Variants in MARK3 observed in about 807,000 individuals in gnomAD.
MARK3 encodes MAP/microtubule affinity-regulating kinase 3.
A neutral mutation model predicts 90.1 loss-of-function variants in MARK3; 46 were observed. The observed-to-expected ratio is 0.51, with a 90% CI of 0.40 to 0.65. MARK3 has a LOEUF of 0.65. MARK3 is among the 30% of genes least tolerant of loss of function. The pLI is 0.00. For missense variants in MARK3, 818 were observed against 947.2 expected, an observed-to-expected ratio of 0.86 and a Z score of 1.79; for synonymous variants, 321 against 332.6, an observed-to-expected ratio of 0.97 and a Z score of 0.38.
chr14:103,469,361 T>A (rs1392354099), intron 12 of MARK3: 1 of 152,028 alleles, frequency 6.6e-6, no homozygotes. Flanking sequence ...TTTGTATTTT[T>A]AATAGAGACA....
At chr14:103,480,098 C>T (rs991851183) in intron 13 of MARK3, among the ~76,000 whole-genome samples, 4 of 151,808 alleles carry the variant, frequency 2.6e-5, no homozygotes, top group East Asian at 3.9e-4. Context: ...TCCAGCATGG[C>T]GACAGAGCAA....
chr14:103,414,448 G>A (rs942678796), intron 2 of MARK3, among the ~76,000 whole-genome samples: 3 of 151,944 alleles, frequency 2.0e-5, no homozygotes, highest in South Asian at 2.1e-4. Context: ...CAGATGATCC[G>A]CCCGCCTTGG....
intron 1 of MARK3, among the ~76,000 whole-genome samples, chr14:103,397,010 G>A (rs545308587): frequency 6.6e-6 from 1 of 152,090 alleles, no homozygotes; most frequent in South Asian, 2.1e-4. Context: ...AAATATTGGG[G>A]GGTATATTGA....
chr14:103,431,714 G>C (rs2092587802), intron 3 of MARK3, among the ~76,000 whole-genome samples: 1 of 152,174 alleles, frequency 6.6e-6, no homozygotes, highest in Non-Finnish European at 1.5e-5. Context: ...GTAGCATCTT[G>C]TTCCAGTGTT....
At chr14:103,403,986 C>G (rs1398393068) in intron 1 of MARK3, among the ~76,000 whole-genome samples, 1 of 152,112 alleles carries the variant, frequency 6.6e-6, no homozygotes, top group Non-Finnish European at 1.5e-5. Flanking sequence ...AGAGCCTATC[C>G]CCTAACCTGG....
intron 8 of MARK3, 85 bp from the exon 9 acceptor site, chr14:103,465,887 G>T: frequency 6.5e-7 from 1 of 1,549,824 alleles, no homozygotes; most frequent in South Asian, 1.2e-5. Context: ...CAGTGCGGGG[G>T]GTTTCAGGGG....
Position 103,503,712 on chromosome 14 carries a change from TTTG to T in MARK3, c.*491_*493del, listed in dbSNP as rs770163614. 6.5e-6 allele frequency: 1 copy of T among 154,268 alleles called. No homozygotes were observed. The highest frequency in any genetic ancestry group is 2.1e-4 in the South Asian group (1 of 4,868). The allele number at this position is 154,268 out of a possible 1,614,324, so 9.6% of individuals were successfully genotyped here. A position where few individuals can be genotyped will look rare whatever the true frequency, so the allele number is the denominator to read the frequency against. ...TACAGTTCATGCCTGTGGTTTTGTG[TTTG>T]TTGTTTTGTGTTTTTTTAGTGCAAA... On this transcript the variant is annotated 3_prime_UTR_variant, in exon 18 of 18. Coordinates refer to ENST00000429436, the MANE Select transcript of MARK3 (RefSeq NM_001128918.3).
chr14:103,394,115 AGGGAATATTCC>A (rs2090437179), intron 1 of MARK3, among the ~76,000 whole-genome samples: 1 of 152,184 alleles, frequency 6.6e-6, no homozygotes, highest in Non-Finnish European at 1.5e-5. Flanking sequence ...AGTAAGAGTC[AGGGAATATTCC>A]GTGACTTGTG....
chr14:103,412,295 A>G, intron 2 of MARK3: 1 of 648,378 alleles, frequency 1.5e-6, no homozygotes, highest in Non-Finnish European at 2.7e-6. Context: ...TAACATGTTC[A>G]TATGAAACTT....
chr14:103,482,260 C>T (rs944092023), intron 14 of MARK3, among the ~76,000 whole-genome samples: 1 of 151,872 alleles, frequency 6.6e-6, no homozygotes, highest in East Asian at 2.0e-4. Flanking sequence ...GTGGCTCACA[C>T]CTGTAATCCC....
intron 6 of MARK3, among the ~76,000 whole-genome samples, chr14:103,460,071 A>ATTTTTTTTT (rs1566882596): frequency 6.6e-5 from 3 of 45,580 alleles, no homozygotes; most frequent in Admixed American, 3.3e-4. Context: ...TTCCAGCTCC[A>ATTTTTTTTT]TCTTTTTTTT....
chr14:103,398,404 T>C (rs2090724871), intron 1 of MARK3, among the ~76,000 whole-genome samples: 1 of 152,224 alleles, frequency 6.6e-6, no homozygotes, highest in African/African-American at 2.4e-5. Flanking sequence ...TTAACTTGTA[T>C]TTCTCTCTGA....
At chr14:103,389,528 C>CAAAAAAAAAAAA (rs67737305) in intron 1 of MARK3, among the ~76,000 whole-genome samples, 702 of 49,778 alleles carry the variant, frequency 0.014, 102 homozygotes, top group East Asian at 0.03. Context: ...ACTCTGTCTC[C>CAAAAAAAAAAAA]AAAAAAAAAA....
chr14:103,388,178 G>A (rs867295102), intron 1 of MARK3, among the ~76,000 whole-genome samples: 1 of 152,186 alleles, frequency 6.6e-6, no homozygotes, highest in Admixed American at 6.5e-5. Flanking sequence ...TGATCCTCCC[G>A]CGTCAGCCTC....
intron 3 of MARK3, among the ~76,000 whole-genome samples, chr14:103,444,928 C>T (rs767430708): frequency 1.9e-4 from 29 of 152,190 alleles, no homozygotes; most frequent in Non-Finnish European, 3.7e-4. Context: ...CCAAATTTAA[C>T]TATCTTTGGT....
intron 3 of MARK3, among the ~76,000 whole-genome samples, chr14:103,432,405 C>T (rs2092607733): frequency 1.3e-5 from 2 of 152,148 alleles, no homozygotes; most frequent in African/African-American, 4.8e-5. Flanking sequence ...GTGGGGAAAT[C>T]CTGCTTATAC....
chr14:103,488,587 C>T (rs1363047653), intron 14 of MARK3, among the ~76,000 whole-genome samples: 1 of 152,124 alleles, frequency 6.6e-6, no homozygotes, highest in Non-Finnish European at 1.5e-5. Context: ...CACAGTGGCT[C>T]ACAAGGCCTA....
rs903542331 is a variant in MARK3 at position 103,386,287 on chromosome 14, C to T, written c.51+207C>T. ...TCGCGGGCGGGTCTGCGAAGTACAT[C>T]GATTATGCCGGCAGTCTAGTCGGTT... is the stretch of plus-strand genomic sequence containing the variant. On this transcript the variant is annotated intron_variant, in intron 1 of 17. Coordinates refer to ENST00000429436, the MANE Select transcript of MARK3 (RefSeq NM_001128918.3). The T allele has an allele frequency of 7.2e-5, 51 of 704,840 alleles. 1 individual carries two copies. Among genetic ancestry groups the T allele is most frequent in the Middle Eastern group, 4.7e-4 (2 of 4,294 alleles). The allele number at this position is 704,840 out of a possible 1,614,324, so 43.7% of individuals were successfully genotyped here.
At chr14:103,419,331 G>C (rs2092105515) in intron 2 of MARK3, among the ~76,000 whole-genome samples, 1 of 151,878 alleles carries the variant, frequency 6.6e-6, no homozygotes, top group South Asian at 2.1e-4. Flanking sequence ...ACTCCCCAAA[G>C]CTTTTATTTA....
Sources: gnomAD v4.1 joint callset for allele counts (sites outside exome capture counted in the v4.1 genomes callset) on GRCh38, gnomAD v4.1.1 for gene constraint, MANE v1.5 for transcripts, NCBI Gene and HGNC (gene_info 2026-07-23, HGNC 2026-07-21) for gene names.